SIM2: variants seen among roughly 807,000 people sequenced by gnomAD.
SIM2 encodes SIM bHLH transcription factor 2.
SIM2 carries 28 observed loss-of-function variants against 64.8 expected under a neutral mutation model. That is an observed-to-expected ratio of 0.43 (90% CI 0.32 to 0.59). SIM2 has a LOEUF of 0.59. Ranked by LOEUF, SIM2 falls within the 20% of genes least tolerant of loss-of-function variation. SIM2 has a pLI of 0.07. For missense variants in SIM2, 847 were observed against 871.4 expected, an observed-to-expected ratio of 0.97 and a Z score of 0.35; for synonymous variants, 408 against 391.1, an observed-to-expected ratio of 1.04 and a Z score of -0.51.
At chr21:36,719,958 C>T in intron 4 of SIM2, 29 bp downstream of exon 4, 1 of 1,303,156 alleles carries the variant, frequency 7.7e-7, no homozygotes, top group Admixed American at 1.7e-5. Flanking sequence ...AAAAAAAAAA[C>T]AGACTAAAAG....
chr21:36,713,697 G>A (rs969663344), intron 3 of SIM2, among the ~76,000 whole-genome samples: 1 of 152,142 alleles, frequency 6.6e-6, no homozygotes, highest in African/African-American at 2.4e-5. Context: ...GACCACATTT[G>A]GCAAACTGCA....
intron 7 of SIM2, among the ~76,000 whole-genome samples, chr21:36,736,309 T>TA (rs1194199328): frequency 6.6e-6 from 1 of 151,910 alleles, no homozygotes; most frequent in Non-Finnish European, 1.5e-5. Flanking sequence ...GGGCCTCGCT[T>TA]TCCCCACACC....
At chr21:36,720,126 T>A (rs955707428) in intron 4 of SIM2, 197 bp downstream of exon 4, 4 of 575,558 alleles carry the variant, frequency 6.9e-6, no homozygotes, top group Non-Finnish European at 3.1e-6. Context: ...AAGCCAATAT[T>A]CATCAAGCTC....
chr21:36,700,745 C>T (rs1443917680), intron 1 of SIM2, among the ~76,000 whole-genome samples: 1 of 152,214 alleles, frequency 6.6e-6, no homozygotes, highest in African/African-American at 2.4e-5. Context: ...GCAGGAGAGA[C>T]CCGCCCCCGC....
At chr21:36,739,417 T>C (rs1019395237) in intron 7 of SIM2, among the ~76,000 whole-genome samples, 1 of 152,244 alleles carries the variant, frequency 6.6e-6, no homozygotes, top group African/African-American at 2.4e-5. Context: ...TTTTCTTCTG[T>C]TAACATTGTA....
Position 36,745,489 on chromosome 21 carries a change from TTGC to T in SIM2, c.1576+354_1576+356del. On this transcript the variant is annotated intron_variant, in intron 10 of 10. Transcript: ENST00000290399. The surrounding 1 kb of genome is among the most constrained non-coding windows in gnomAD (Gnocchi z 4.8). ...TGAGAACACCCCAGCTGCATTTCTT[TTGC>T]AAGATTCCTTTCCACTCCAACCAGA... 8.6e-7 allele frequency: 1 copy of T among 1,161,738 alleles called. No homozygotes were observed. The highest frequency in any genetic ancestry group is 1.1e-6 in the Non-Finnish European group (1 of 930,660). The allele number at this position is 1,161,738 out of a possible 1,614,324, so 72.0% of individuals were successfully genotyped here. A position where few individuals can be genotyped will look rare whatever the true frequency, so the allele number is the denominator to read the frequency against.
intron 1 of SIM2, among the ~76,000 whole-genome samples, chr21:36,708,861 A>C (rs1249223767): frequency 6.6e-6 from 1 of 152,252 alleles, no homozygotes; most frequent in East Asian, 1.9e-4. Flanking sequence ...ATTTCAAATA[A>C]AACGGCAATT....
intron 7 of SIM2, among the ~76,000 whole-genome samples, chr21:36,736,107 A>G (rs2123484060): frequency 6.6e-6 from 1 of 152,178 alleles, no homozygotes; most frequent in East Asian, 1.9e-4. Context: ...CTTCCCTTCC[A>G]TCTGCCACAA....
intron 6 of SIM2, among the ~76,000 whole-genome samples, chr21:36,729,773 T>G (rs527701075): frequency 7.6e-4 from 116 of 152,258 alleles, no homozygotes; most frequent in African/African-American, 2.7e-3. Context: ...GAGGACATGG[T>G]GCCCGGCCCC....
At chr21:36,705,114 G>A (rs2088561410) in intron 1 of SIM2, among the ~76,000 whole-genome samples, 1 of 152,230 alleles carries the variant, frequency 6.6e-6, no homozygotes, top group Non-Finnish European at 1.5e-5. Context: ...TGTTCCCAAG[G>A]GAGCCCCCTG....
intron 7 of SIM2, 75 bp from the exon 8 acceptor site, chr21:36,741,642 G>T (rs1052269800): frequency 3.9e-6 from 6 of 1,544,634 alleles, no homozygotes; most frequent in Non-Finnish European, 4.4e-6. Flanking sequence ...TGGGACAGAG[G>T]TCACCGTTGG....
At chr21:36,741,933 T>C in intron 8 of SIM2, 69 bp downstream of exon 8, 7 of 1,376,878 alleles carry the variant, frequency 5.1e-6, no homozygotes, top group Non-Finnish European at 5.9e-6. Context: ...ATGGCTCCAA[T>C]AAGCACCATC....
intron 7 of SIM2, among the ~76,000 whole-genome samples, chr21:36,736,344 G>A (rs1601706726): frequency 6.6e-6 from 1 of 152,170 alleles, no homozygotes; most frequent in South Asian, 2.1e-4. Flanking sequence ...AGGAACCTCT[G>A]GGGTCAGTGC....
Position 36,699,620 on chromosome 21 carries a change from C to A in SIM2, c.-127C>A. ...ACCCCGGGAGGCCCCCCGCACCTGC[C>A]CGCGGCCCACTCCGCGGACTCACCT... On this transcript the variant is annotated 5_prime_UTR_variant, in exon 1 of 11. Coordinates refer to ENST00000290399, the MANE Select transcript of SIM2 (RefSeq NM_005069.6). The surrounding 1 kb of genome is among the most constrained non-coding windows in gnomAD (Gnocchi z 5.6). 9.3e-7 allele frequency: 1 copy of A among 1,076,938 alleles called. No homozygotes were observed. The highest frequency in any genetic ancestry group is 1.8e-5 in the South Asian group (1 of 55,458). 66.7% of individuals were successfully genotyped at this position (1,076,938 alleles called of 1,614,324 possible).
At position 36,708,394 on chromosome 21, in the gene SIM2, C is replaced by A. The variant is rs546980604; in HGVS notation, c.176-774C>A. ...GCGCAACACTGGTTGGTAGCTTTTG[C>A]GGAGGTGGTGAAGAAGGGCAGGAGG... On this transcript the variant is annotated intron_variant, in intron 1 of 10. Coordinates refer to ENST00000290399, the MANE Select transcript of SIM2 (RefSeq NM_005069.6). Among the ~76,000 whole-genome samples the A allele has an allele frequency of 2.0e-5, 3 of 152,202 alleles. No homozygotes were observed. The South Asian group carries it at 6.2e-4, about 32-fold the overall frequency.
chr21:36,730,932 A>G (rs1484815013), intron 6 of SIM2, 113 bp from the exon 7 acceptor site: 1 of 730,006 alleles, frequency 1.4e-6, no homozygotes, highest in Non-Finnish European at 2.4e-6. Flanking sequence ...TCCAAAATCA[A>G]CATTTCCCGC....
chr21:36,729,057 G>A (rs1024916831), intron 6 of SIM2, among the ~76,000 whole-genome samples: 3 of 152,178 alleles, frequency 2.0e-5, no homozygotes, highest in Non-Finnish European at 4.4e-5. Context: ...GGAAAAAACC[G>A]GGAGGGCACC....
At chr21:36,722,826 T>C (rs2088841617) in intron 4 of SIM2, among the ~76,000 whole-genome samples, 1 of 152,118 alleles carries the variant, frequency 6.6e-6, no homozygotes, top group Non-Finnish European at 1.5e-5. Flanking sequence ...TTTGGCTGCC[T>C]TCCTTTAGAG....
chr21:36,705,256 G>C (rs1478452138), intron 1 of SIM2, among the ~76,000 whole-genome samples: 1 of 152,240 alleles, frequency 6.6e-6, no homozygotes, highest in East Asian at 1.9e-4. Context: ...GTGGAGCAGG[G>C]AGCGGAAGAG....
Sources: allele counts gnomAD v4.1 joint callset (sites outside exome capture counted in the v4.1 genomes callset), GRCh38; gene constraint gnomAD v4.1.1; non-coding constraint Gnocchi (gnomAD v3.1); transcripts MANE v1.5; gene names NCBI Gene and HGNC (gene_info 2026-07-23, HGNC 2026-07-21).